Variants in DYNC2H1 observed in about 807,000 individuals in gnomAD.
DYNC2H1 encodes the protein dynein cytoplasmic 2 heavy chain 1.
A neutral mutation model predicts 570.0 loss-of-function variants in DYNC2H1; 410 were observed. The observed-to-expected ratio is 0.72, with a 90% CI of 0.66 to 0.78. The LOEUF is 0.78. DYNC2H1 is among the 30% of genes least tolerant of loss of function. The probability of loss-of-function intolerance (pLI) is 0.00; values close to 1 mark genes in which losing one functional copy is unlikely to be tolerated. For missense variants in DYNC2H1, 4,865 were observed against 5,046.4 expected (o/e 0.96, Z 1.09); for synonymous variants, 1,688 against 1,677.6 (o/e 1.01, Z -0.15).
intron 84 of DYNC2H1, among the ~76,000 whole-genome samples, 183 bp downstream of exon 84, chr11:103,400,055 G>A (rs1269441217): frequency 6.6e-6 from 1 of 152,184 alleles, no homozygotes; most frequent in Non-Finnish European, 1.5e-5. Context: ...CATTATGCCA[G>A]CTTGATGTAG....
At chr11:103,412,272 T>C (rs1943118779) in intron 84 of DYNC2H1, among the ~76,000 whole-genome samples, 1 of 152,090 alleles carries the variant, frequency 6.6e-6, no homozygotes, top group South Asian at 2.1e-4. Flanking sequence ...ACGATTGGAG[T>C]AGGAAATTTC....
In DYNC2H1 at chr11:103,264,522, T is replaced by G. The variant is rs1351701466; in HGVS notation, c.10695+4545T>G. Among the ~76,000 whole-genome samples the G allele has an allele frequency of 6.6e-6, 1 of 152,078 alleles. No homozygotes were observed. Among genetic ancestry groups the G allele is most frequent in the Non-Finnish European group, 1.5e-5 (1 of 67,994 alleles). On this transcript the variant is annotated intron_variant, in intron 70 of 88. Transcript: ENST00000375735. The surrounding 1 kb of genome is among the most constrained non-coding windows in gnomAD (Gnocchi z 4.8). ...CTTATCCACCACAATCAAGTTGGCT[T>G]CATCCCTGGTTCAACATATGCAAAT...
At chr11:103,127,732 A>C (rs1203965894) in intron 12 of DYNC2H1, among the ~76,000 whole-genome samples, 1 of 152,198 alleles carries the variant, frequency 6.6e-6, no homozygotes, top group Non-Finnish European at 1.5e-5. Context: ...TCCTTTGTCC[A>C]ACACTGTTCC....
chr11:103,378,693 T>C (rs1388113708), intron 83 of DYNC2H1, among the ~76,000 whole-genome samples: 2 of 152,230 alleles, frequency 1.3e-5, no homozygotes, highest in African/African-American at 2.4e-5. Context: ...TGTTTCTTTG[T>C]GCAATAAACA....
At position 103,181,030 on chromosome 11, in the gene DYNC2H1, G is replaced by GT. The variant is rs1310660710; in HGVS notation, c.6348-721dup. Among the ~76,000 whole-genome samples, 2 of 151,210 alleles carry GT rather than the reference G, an allele frequency of 1.3e-5. No homozygotes were observed. Among genetic ancestry groups the GT allele is most frequent in the African/African-American group, 4.8e-5 (2 of 41,290 alleles). On this transcript the variant is annotated intron_variant, in intron 39 of 88. Transcript: ENST00000375735. The surrounding 1 kb of genome is among the most constrained non-coding windows in gnomAD (Gnocchi z 5.0). ...AATAATATGAATTATTTTTACTATA[G>GT]TTTTTTATAATTATATAAGGTATAA...
chr11:103,354,367 G>A (rs1057034511), intron 82 of DYNC2H1, among the ~76,000 whole-genome samples: 1 of 151,354 alleles, frequency 6.6e-6, no homozygotes, highest in Non-Finnish European at 1.5e-5. Context: ...TCCCTCAATG[G>A]TTATACTAAA....
chr11:103,203,847 A>AT lies in DYNC2H1; in HGVS notation c.8311+75dup. ...AAATATATATCATTTAATTTGCCTTATTTTGTCATTAGATTGCAAAGGTAT... is the reference window on the plus strand; with the variant it reads ...AAATATATATCATTTAATTTGCCTTATTTTTGTCATTAGATTGCAAAGGTAT... On this transcript the variant is annotated intron_variant, in intron 51 of 88. Transcript: ENST00000375735. The surrounding 1 kb of genome is among the most constrained non-coding windows in gnomAD (Gnocchi z 4.7). 9.3e-7 allele frequency: 1 copy of AT among 1,075,438 alleles called. No individual in the cohort carries two copies. Among genetic ancestry groups the AT allele is most frequent in the Non-Finnish European group, 1.3e-6 (1 of 757,456 alleles). 66.6% of individuals were successfully genotyped at this position (1,075,438 alleles called of 1,614,324 possible). A position where few individuals can be genotyped will look rare whatever the true frequency, so the allele number is the denominator to read the frequency against.
chr11:103,199,533 C>A lies in DYNC2H1; in HGVS notation c.8088+57C>A. 1 of 1,410,886 alleles carries A rather than the reference C, an allele frequency of 7.1e-7. No individual in the cohort carries two copies. The highest frequency in any genetic ancestry group is 9.3e-7 in the Non-Finnish European group (1 of 1,077,854). The allele number at this position is 1,410,886 out of a possible 1,614,324, so 87.4% of individuals were successfully genotyped here. A position where few individuals can be genotyped will look rare whatever the true frequency, so the allele number is the denominator to read the frequency against. On this transcript the variant is annotated intron_variant, in intron 49 of 88. Coordinates refer to ENST00000375735, the MANE Select transcript of DYNC2H1 (RefSeq NM_001377.3). This position sits in a 1 kb window ranked among gnomAD's most constrained non-coding sequence, Gnocchi z 4.6. ...GTTTTAAATTACATTGGTTATTACT[C>A]TAAACATCTTTAAAGACCTAAAGGT...
intron 4 of DYNC2H1, among the ~76,000 whole-genome samples, chr11:103,116,368 T>C (rs898609660): frequency 1.3e-5 from 2 of 152,150 alleles, no homozygotes; most frequent in Non-Finnish European, 2.9e-5. Flanking sequence ...TTATATATTC[T>C]TTCTTTTCAT....
rs1454241463 is a variant in DYNC2H1, at chr11:103,209,166, C to G, written c.8455-710C>G. Among the ~76,000 whole-genome samples the G allele has an allele frequency of 6.6e-6, 1 of 151,786 alleles. No individual in the cohort carries two copies. Among genetic ancestry groups the G allele is most frequent in the Non-Finnish European group, 1.5e-5 (1 of 67,956 alleles). On this transcript the variant is annotated intron_variant, in intron 52 of 88. Transcript: ENST00000375735. The surrounding 1 kb of genome is among the most constrained non-coding windows in gnomAD (Gnocchi z 4.2). ...TTTTTTGACCTAATTACCAAGATCACTTGTGTTTTCTTCTTGCTGGTAACT... is the reference window on the plus strand; with the variant it reads ...TTTTTTGACCTAATTACCAAGATCAGTTGTGTTTTCTTCTTGCTGGTAACT...
intron 83 of DYNC2H1, among the ~76,000 whole-genome samples, chr11:103,388,450 G>A (rs1045482654): frequency 6.6e-6 from 1 of 152,142 alleles, no homozygotes. Context: ...CATCTGCAAA[G>A]AGGGACAATT....
chr11:103,228,528 T>C lies in DYNC2H1; in HGVS notation c.9354-2732T>C, dbSNP rs1863882582. 6.6e-6 allele frequency among the ~76,000 whole-genome samples: 1 copy of C among 152,166 alleles called. No homozygotes were observed. The highest frequency in any genetic ancestry group is 2.4e-5 in the African/African-American group (1 of 41,440). On this transcript the variant is annotated intron_variant, in intron 59 of 88. Coordinates refer to ENST00000375735, the MANE Select transcript of DYNC2H1 (RefSeq NM_001377.3). The surrounding 1 kb of genome is among the most constrained non-coding windows in gnomAD (Gnocchi z 6.1). ...GTTGGGGAGTGTCTGCACAGAGTCC[T>C]GTGATGTGATCTGTCTTCAGGTATC...
Position 103,113,605 on chromosome 11 carries a change from T to G in DYNC2H1, c.264T>G (p.Asp88Glu). Reference protein sequence around the residue: ...FFKLRPEVITDENLHDNILVS... With the variant: ...FFKLRPEVITEENLHDNILVS... ...AGCTGCGACCTGAAGTAATTACTGA[T>G]GAGAATCTACATGATAACATTCTTG... is the stretch of plus-strand genomic sequence containing the variant. Residue 88 changes from aspartate to glutamate, a missense_variant, in exon 2 of 89, where the codon GAT becomes GAG. Physicochemically the swap from Asp to Glu is conservative, Grantham distance 45. Coordinates refer to ENST00000375735, the MANE Select transcript of DYNC2H1 (RefSeq NM_001377.3). 6.3e-7 allele frequency: 1 copy of G among 1,576,792 alleles called. No homozygotes were observed. Among genetic ancestry groups the G allele is most frequent in the Non-Finnish European group, 8.6e-7 (1 of 1,166,496 alleles).
chr11:103,109,843 G>A (rs2134668773), intron 1 of DYNC2H1, 74 bp downstream of exon 1: 3 of 1,465,070 alleles, frequency 2.0e-6, no homozygotes, highest in Non-Finnish European at 2.8e-6. Context: ...GGGACGTCGG[G>A]TCACACTCTT....
intron 6 of DYNC2H1, among the ~76,000 whole-genome samples, chr11:103,118,347 G>A (rs1858522247): frequency 1.3e-5 from 2 of 150,908 alleles, no homozygotes; most frequent in Non-Finnish European, 3.0e-5. Flanking sequence ...TTCTTTATTA[G>A]AGACTTTTTT....
chr11:103,344,771 CTT>C (rs1209517430), intron 82 of DYNC2H1, among the ~76,000 whole-genome samples: 3 of 152,198 alleles, frequency 2.0e-5, no homozygotes, highest in South Asian at 2.1e-4. Context: ...AAATATAACA[CTT>C]AATATATACA....
intron 84 of DYNC2H1, among the ~76,000 whole-genome samples, chr11:103,435,364 T>C (rs542428877): frequency 1.1e-4 from 16 of 152,280 alleles, no homozygotes; most frequent in South Asian, 6.2e-4. Flanking sequence ...ATAATGAACA[T>C]GACCTTACAA....
intron 45 of DYNC2H1, among the ~76,000 whole-genome samples, chr11:103,190,499 A>T (rs1207875211): frequency 6.6e-6 from 1 of 152,178 alleles, no homozygotes; most frequent in Non-Finnish European, 1.5e-5. Context: ...GTTAAGGAGG[A>T]GGTGAAGTTT....
At chr11:103,444,001 A>G (rs1309329694) in intron 85 of DYNC2H1, among the ~76,000 whole-genome samples, 1 of 151,908 alleles carries the variant, frequency 6.6e-6, no homozygotes, top group Non-Finnish European at 1.5e-5. Context: ...ATTTTGTTAC[A>G]TGTTATTTAA....
Sources: allele counts gnomAD v4.1 joint callset (sites outside exome capture counted in the v4.1 genomes callset), GRCh38; gene constraint gnomAD v4.1.1; non-coding constraint Gnocchi (gnomAD v3.1); transcripts MANE v1.5; gene names NCBI Gene and HGNC (gene_info 2026-07-23, HGNC 2026-07-21).